The following FGF12 variants were observed in gnomAD, a reference collection of about 807,000 sequenced individuals.
FGF12 encodes the protein fibroblast growth factor 12B.
Under a neutral mutation model 23.6 loss-of-function variants are expected in FGF12, and 14 were observed. The observed-to-expected ratio is 0.59, with a 90% CI of 0.39 to 0.93. The LOEUF (loss-of-function observed/expected upper bound fraction) is 0.93, where lower values mean the gene tolerates loss of function less well. Among genes scored for constraint, FGF12 ranks in the 40% least tolerant of loss-of-function variants. FGF12 has a pLI of 0.00. For missense variants in FGF12, 175 were observed against 217.8 expected, an observed-to-expected ratio of 0.80 and a Z score of 1.24; for synonymous variants, 62 against 77.3, an observed-to-expected ratio of 0.80 and a Z score of 1.04.
At chr3:192,568,551 A>G (rs1367812645) in intron 2 of FGF12, among the ~76,000 whole-genome samples, 1 of 152,228 alleles carries the variant, frequency 6.6e-6, no homozygotes, top group Admixed American at 6.5e-5. Flanking sequence ...GAGGAAATGA[A>G]CAGTAAGGCT....
intron 4 of FGF12, among the ~76,000 whole-genome samples, chr3:192,289,207 T>C (rs1714624548): frequency 6.6e-6 from 1 of 152,174 alleles, no homozygotes; most frequent in African/African-American, 2.4e-5. Context: ...TGATTATGTA[T>C]TCACAATGCC....
intron 4 of FGF12, among the ~76,000 whole-genome samples, chr3:192,183,958 C>T (rs1010169022): frequency 1.3e-5 from 2 of 152,088 alleles, no homozygotes; most frequent in African/African-American, 4.8e-5. Flanking sequence ...CATGGTGGCT[C>T]ACACCTGTAA....
intron 2 of FGF12, among the ~76,000 whole-genome samples, chr3:192,633,889 G>A (rs1405093076): frequency 6.6e-6 from 1 of 152,094 alleles, no homozygotes; most frequent in Non-Finnish European, 1.5e-5. Context: ...AAACCAAGGT[G>A]AATTAGACAG....
At chr3:192,697,457 G>C (rs1463437571) in intron 2 of FGF12, among the ~76,000 whole-genome samples, 2 of 152,064 alleles carry the variant, frequency 1.3e-5, no homozygotes, top group African/African-American at 4.8e-5. Flanking sequence ...GATATACAAG[G>C]GCACTCACTG....
intron 5 of FGF12, among the ~76,000 whole-genome samples, chr3:192,155,948 T>G (rs187099900): frequency 6.6e-6 from 1 of 152,234 alleles, no homozygotes; most frequent in Admixed American, 6.5e-5. Context: ...TTGTAGTAGC[T>G]CGAAGTGCAA....
At chr3:192,639,536 T>C (rs1715712181) in intron 2 of FGF12, among the ~76,000 whole-genome samples, 1 of 152,204 alleles carries the variant, frequency 6.6e-6, no homozygotes, top group Non-Finnish European at 1.5e-5. Flanking sequence ...ATAGCCAAGA[T>C]ATGGAAACAA....
intron 2 of FGF12, among the ~76,000 whole-genome samples, chr3:192,661,225 T>TA (rs1266728266): frequency 1.3e-5 from 2 of 152,172 alleles, no homozygotes; most frequent in East Asian, 1.9e-4. Flanking sequence ...ACTGGCACTA[T>TA]AAAAAAATTA....
chr3:192,513,058 T>G (rs1724541451), intron 2 of FGF12, among the ~76,000 whole-genome samples: 1 of 151,696 alleles, frequency 6.6e-6, no homozygotes, highest in Non-Finnish European at 1.5e-5. Context: ...AAACTGAATA[T>G]CTTTCCTAAT....
chr3:192,544,187 C>G (rs763386724), intron 2 of FGF12, among the ~76,000 whole-genome samples: 5 of 152,196 alleles, frequency 3.3e-5, no homozygotes, highest in Non-Finnish European at 7.3e-5. Flanking sequence ...CCCACAATCA[C>G]TGTGCTCTCC....
chr3:192,169,985 G>T (rs1715454029), intron 5 of FGF12, among the ~76,000 whole-genome samples: 1 of 148,186 alleles, frequency 6.7e-6, no homozygotes, highest in Non-Finnish European at 1.5e-5. Context: ...TTTTTCAAGG[G>T]TGTATCTTGA....
chr3:192,727,335 G>C lies in FGF12; in HGVS notation c.-130-12C>G. 4 of 1,544,166 alleles carry C rather than the reference G, an allele frequency of 2.6e-6. No homozygotes were observed. Among genetic ancestry groups the C allele is most frequent in the Non-Finnish European group, 3.5e-6 (4 of 1,144,092 alleles). ...TCCCCTCAGGCTTCCTGAAAGATGG[G>C]ATTTCTTAAACCTTGAAGCTGCAAT... On this transcript the variant is annotated splice_polypyrimidine_tract_variant and intron_variant, in intron 1 of 5. Coordinates refer to ENST00000445105, the MANE Select transcript of FGF12 (RefSeq NM_004113.6).
At chr3:192,698,031 A>C (rs1023299013) in intron 2 of FGF12, among the ~76,000 whole-genome samples, 2 of 152,054 alleles carry the variant, frequency 1.3e-5, no homozygotes, top group African/African-American at 4.8e-5. Flanking sequence ...CTGACATAAA[A>C]TGTTCTATTT....
rs1240296476 is a variant in FGF12 at position 192,552,517 on chromosome 3, GAA to G, written c.13+174662_13+174663del. 5.0e-5 allele frequency among the ~76,000 whole-genome samples: 7 copies of G among 140,528 alleles called. No individual in the cohort carries two copies. The Admixed American group carries it at 5.1e-4, about 10-fold the overall frequency. 92.2% of individuals were successfully genotyped at this position (140,528 alleles called of 152,430 possible). A position where few individuals can be genotyped will look rare whatever the true frequency, so the allele number is the denominator to read the frequency against. ...AAGTGCTGAAAGATAATGGTAAAAA[GAA>G]AATCTTAAAATGTATCAAAAAAAAC... is the stretch of plus-strand genomic sequence containing the variant. On this transcript the variant is annotated intron_variant, in intron 2 of 5. Coordinates refer to ENST00000445105, the MANE Select transcript of FGF12 (RefSeq NM_004113.6).
At chr3:192,698,626 A>G (rs528630246) in intron 2 of FGF12, among the ~76,000 whole-genome samples, 1 of 152,154 alleles carries the variant, frequency 6.6e-6, no homozygotes, top group Non-Finnish European at 1.5e-5. Flanking sequence ...TTACTCACTG[A>G]CAGTGGGAAG....
chr3:192,370,807 G>T (rs1402997890), intron 2 of FGF12, among the ~76,000 whole-genome samples: 2 of 152,218 alleles, frequency 1.3e-5, no homozygotes, highest in African/African-American at 4.8e-5. Flanking sequence ...TGTGCTTGGT[G>T]TGCTAACGTT....
chr3:192,667,011 A>G (rs1198271330), intron 2 of FGF12, among the ~76,000 whole-genome samples: 2 of 152,194 alleles, frequency 1.3e-5, no homozygotes, highest in African/African-American at 4.8e-5. Context: ...TATTATGTGG[A>G]AGCAAAAGGA....
intron 2 of FGF12, among the ~76,000 whole-genome samples, chr3:192,367,808 T>C (rs1719048562): frequency 6.6e-6 from 1 of 151,824 alleles, no homozygotes; most frequent in South Asian, 2.1e-4. Context: ...CTCTGTGGAG[T>C]AAAGTGAGTC....
chr3:192,216,069 G>T (rs1718177442), intron 4 of FGF12, among the ~76,000 whole-genome samples: 1 of 152,112 alleles, frequency 6.6e-6, no homozygotes, highest in Admixed American at 6.6e-5. Context: ...AAGGAGCTCA[G>T]ATAACACAGT....
chr3:192,220,648 G>C (rs11706219), intron 4 of FGF12, among the ~76,000 whole-genome samples: 51,096 of 151,940 alleles, frequency 0.34, 9,693 homozygotes, highest in East Asian at 0.89. Context: ...TGTCAGTTAC[G>C]AACTATCATC....
Sources: allele counts gnomAD v4.1 joint callset (sites outside exome capture counted in the v4.1 genomes callset), GRCh38; gene constraint gnomAD v4.1.1; transcripts MANE v1.5; gene names NCBI Gene and HGNC (gene_info 2026-07-23, HGNC 2026-07-21).